The following KIAA1958 variants were observed in gnomAD, a reference collection of about 807,000 sequenced individuals.
KIAA1958 encodes the protein uncharacterized protein KIAA1958.
Under a neutral mutation model 47.2 loss-of-function variants are expected in KIAA1958, and 14 were observed. That is an observed-to-expected ratio of 0.30 (90% confidence interval 0.20 to 0.46). The LOEUF (loss-of-function observed/expected upper bound fraction) is 0.46, where lower values mean the gene tolerates loss of function less well. KIAA1958 is among the 20% of genes least tolerant of loss of function. KIAA1958 has a pLI of 1.00. For missense variants in KIAA1958, 803 were observed against 909.2 expected (o/e 0.88, Z 1.50); for synonymous variants, 354 against 353.3 (o/e 1.00, Z -0.02).
At position 112,659,878 on chromosome 9, in the gene KIAA1958, C is replaced by T. The variant is rs1234552709; in HGVS notation, c.1960C>T (p.Leu654=). ...TQMEAKSPFY[L]TARKEATDMG... is the part of the protein sequence containing the mutation. ...AATGGAGGCCAAGTCCCCCTTCTACCTGACTGCCAGGAAGGAGGCCACAGA... is the reference window on the plus strand; with the variant it reads ...AATGGAGGCCAAGTCCCCCTTCTACTTGACTGCCAGGAAGGAGGCCACAGA... The change falls in exon 4 of 4, where the codon CTG becomes TTG. Residue 654 remains leucine, a synonymous_variant. Transcript: ENST00000337530. 3.1e-6 allele frequency: 5 copies of T among 1,614,174 alleles called. No homozygotes were observed. The highest frequency in any genetic ancestry group is 4.2e-6 in the Non-Finnish European group (5 of 1,180,018).
intron 2 of KIAA1958, among the ~76,000 whole-genome samples, chr9:112,583,835 G>T (rs899106215): frequency 6.6e-6 from 1 of 152,118 alleles, no homozygotes; most frequent in African/African-American, 2.4e-5. Context: ...CTTCGAGGAG[G>T]GGGTAATGGA....
chr9:112,557,449 A>G (rs1260171824), intron 1 of KIAA1958, among the ~76,000 whole-genome samples: 1 of 152,238 alleles, frequency 6.6e-6, no homozygotes, highest in African/African-American at 2.4e-5. Context: ...TGATCTCTCA[A>G]ATCCTAAAAA....
rs565239605 is a variant in KIAA1958, at chr9:112,620,313, C to T, written c.1172-25337C>T. 5.9e-5 allele frequency among the ~76,000 whole-genome samples: 9 copies of T among 152,264 alleles called. No individual in the cohort carries two copies. The South Asian group carries it at 6.2e-4, about 11-fold the overall frequency. On this transcript the variant is annotated intron_variant, in intron 2 of 3. Transcript: ENST00000337530. Reference sequence around the variant, plus strand: ...CAAATCTTGATTGTTTTGTTGGACCCGTGAATTCTATTGGGAAATATTTGT... The same window carrying T: ...CAAATCTTGATTGTTTTGTTGGACCTGTGAATTCTATTGGGAAATATTTGT...
chr9:112,620,510 T>C (rs114163684), intron 2 of KIAA1958, among the ~76,000 whole-genome samples: 429 of 152,312 alleles, frequency 2.8e-3, no homozygotes, highest in African/African-American at 0.01. Flanking sequence ...CATAAGCACA[T>C]AAAGACCCGT....
rs1279712444 is a variant in KIAA1958 at position 112,667,683 on chromosome 9, T to C, written c.*7614T>C. On this transcript the variant is annotated 3_prime_UTR_variant, in exon 4 of 4. Coordinates refer to ENST00000337530, the MANE Select transcript of KIAA1958 (RefSeq NM_133465.4). Reference sequence around the variant, plus strand: ...AATGCCAGGAAACAATAGAGAATTGTGAGGGGGAAAAGTTGTGACTTTGGA... The same window carrying C: ...AATGCCAGGAAACAATAGAGAATTGCGAGGGGGAAAAGTTGTGACTTTGGA... 6.6e-6 allele frequency: 1 copy of C among 152,182 alleles called. No homozygotes were observed. Among genetic ancestry groups the C allele is most frequent in the Non-Finnish European group, 1.5e-5 (1 of 68,028 alleles). The allele number at this position is 152,182 out of a possible 1,614,324, so 9.4% of individuals were successfully genotyped here.
intron 2 of KIAA1958, among the ~76,000 whole-genome samples, chr9:112,629,382 G>A (rs947783455): frequency 6.6e-6 from 1 of 152,044 alleles, no homozygotes; most frequent in African/African-American, 2.4e-5. Flanking sequence ...AAAAACGCAC[G>A]TGTGCCTGTT....
chr9:112,630,075 C>T (rs1211501139), intron 2 of KIAA1958, among the ~76,000 whole-genome samples: 1 of 151,882 alleles, frequency 6.6e-6, no homozygotes, highest in Non-Finnish European at 1.5e-5. Flanking sequence ...CAGTGTTTCT[C>T]ACCACTGAAG....
At chr9:112,651,443 G>A (rs940900018) in intron 3 of KIAA1958, among the ~76,000 whole-genome samples, 3 of 149,600 alleles carry the variant, frequency 2.0e-5, no homozygotes, top group Non-Finnish European at 4.4e-5. Flanking sequence ...CCCCCAGGCT[G>A]GAGTGCAGTG....
At chr9:112,503,082 CAAAAT>C (rs757413745) in intron 1 of KIAA1958, among the ~76,000 whole-genome samples, 31 of 151,338 alleles carry the variant, frequency 2.0e-4, no homozygotes, top group East Asian at 1.9e-3. Context: ...AGAGAAGAAA[CAAAAT>C]AAATAAGTAA....
chr9:112,608,323 G>T (rs180855468), intron 2 of KIAA1958, among the ~76,000 whole-genome samples: 58 of 152,098 alleles, frequency 3.8e-4, no homozygotes, highest in Admixed American at 2.9e-3. Context: ...AACCTTTGAT[G>T]GTATAACAGG....
chr9:112,659,806 T>C lies in KIAA1958; in HGVS notation c.1888T>C (p.Tyr630His), dbSNP rs771348606. ...TTCCCGGGGACACAAACAGTGCCCT[T>C]ACTGCCTCCTCTACAAGTACATGTA... Reference protein sequence around the residue: ...EHSRGHKQCPYCLLYKYMYIH... With the variant: ...EHSRGHKQCPHCLLYKYMYIH... The change falls in exon 4 of 4, where the codon TAC becomes CAC. Residue 630 changes from tyrosine (Y) to histidine (H), a missense_variant. By Grantham distance (83) the Tyr-to-His change is moderately conservative. Around this residue, in one of 2 missense-constraint regions of KIAA1958, gnomAD observed 761 missense variants for 829.3 expected, o/e 0.92. Coordinates refer to ENST00000337530, the MANE Select transcript of KIAA1958 (RefSeq NM_133465.4). 1.6e-5 allele frequency: 26 copies of C among 1,614,026 alleles called. No individual in the cohort carries two copies. Among genetic ancestry groups the C allele is most frequent in the Non-Finnish European group, 1.9e-5 (22 of 1,180,040 alleles).
chr9:112,610,971 T>A (rs1175772873), intron 2 of KIAA1958, among the ~76,000 whole-genome samples: 2 of 152,122 alleles, frequency 1.3e-5, no homozygotes, highest in African/African-American at 4.8e-5. Flanking sequence ...AAAAGAAAAA[T>A]TGTATCTTCT....
At chr9:112,575,494 A>G (rs959168243) in intron 2 of KIAA1958, among the ~76,000 whole-genome samples, 3 of 151,892 alleles carry the variant, frequency 2.0e-5, no homozygotes, top group Admixed American at 6.6e-5. Flanking sequence ...TTCTGTTGAT[A>G]TTGCAGCGTT....
chr9:112,515,907 A>AT (rs1300167465), intron 1 of KIAA1958, among the ~76,000 whole-genome samples: 3 of 148,110 alleles, frequency 2.0e-5, no homozygotes, highest in Non-Finnish European at 4.5e-5. Flanking sequence ...AAAAAAAAAA[A>AT]AAAAAAGACT....
At chr9:112,563,073 C>CTT (rs1835363928) in intron 1 of KIAA1958, among the ~76,000 whole-genome samples, 1 of 62,684 alleles carries the variant, frequency 1.6e-5, no homozygotes, top group Non-Finnish European at 3.0e-5. Flanking sequence ...CTGTCTCTCT[C>CTT]TCTCTCTCTC....
In KIAA1958 at chr9:112,659,294, A is replaced by G. The variant is rs1293814141; in HGVS notation, c.1376A>G (p.Glu459Gly). The change falls in exon 4 of 4, where the codon GAG becomes GGG. Residue 459 changes from glutamate to glycine, a missense_variant. This residue lies in a region of KIAA1958 where 761 missense variants were observed against 829.3 expected (regional missense o/e 0.92). Coordinates refer to ENST00000337530, the MANE Select transcript of KIAA1958 (RefSeq NM_133465.4). ...GCAGTGAAGTTGAACGAGCTGCTCG[A>G]GAACTTTTATGTCACCGTCAAGAAG... ...IPAVKLNELL[E>G]NFYVTVKKSD... 23 of 1,613,594 alleles carry G rather than the reference A, an allele frequency of 1.4e-5. No individual in the cohort carries two copies. The highest frequency in any genetic ancestry group is 1.9e-5 in the Non-Finnish European group (22 of 1,179,730).
intron 2 of KIAA1958, among the ~76,000 whole-genome samples, chr9:112,601,248 T>C (rs1329887933): frequency 6.6e-6 from 1 of 152,212 alleles, no homozygotes; most frequent in African/African-American, 2.4e-5. Context: ...TTTTGTCTAA[T>C]AATAGGACCA....
intron 2 of KIAA1958, among the ~76,000 whole-genome samples, chr9:112,603,596 C>T (rs1172895812): frequency 6.6e-6 from 1 of 152,166 alleles, no homozygotes; most frequent in Non-Finnish European, 1.5e-5. Context: ...TTTCTGAATT[C>T]CTATAGGGCC....
chr9:112,556,560 C>A (rs941544674), intron 1 of KIAA1958, among the ~76,000 whole-genome samples: 4 of 152,192 alleles, frequency 2.6e-5, no homozygotes, highest in Admixed American at 2.6e-4. Flanking sequence ...TTCTCCACCT[C>A]CTGTCCTCAA....
Sources: gnomAD v4.1 joint callset for allele counts (sites outside exome capture counted in the v4.1 genomes callset) on GRCh38, gnomAD v4.1.1 for gene constraint, gnomAD v4.1.1 regional missense constraint, MANE v1.5 for transcripts, NCBI Gene and HGNC (gene_info 2026-07-23, HGNC 2026-07-21) for gene names.